Variants in PLGRKT observed in about 807,000 individuals in gnomAD.
The protein encoded by PLGRKT is plasminogen receptor with a C-terminal lysine, also known as plasminogen receptor (KT).
A neutral mutation model predicts 18.5 loss-of-function variants in PLGRKT; 22 were observed. That is an observed-to-expected ratio of 1.19 (90% confidence interval 0.85 to 1.70). PLGRKT has a LOEUF of 1.70. PLGRKT is among the 40% of genes most tolerant of loss of function. The pLI is 0.00. For missense variants in PLGRKT, 235 were observed against 174.4 expected, an observed-to-expected ratio of 1.35 and a Z score of -1.96; for synonymous variants, 72 against 52.8, an observed-to-expected ratio of 1.36 and a Z score of -1.58.
At chr9:5,421,549 T>G (rs1818575559) in intron 3 of PLGRKT, among the ~76,000 whole-genome samples, 1 of 152,240 alleles carries the variant, frequency 6.6e-6, no homozygotes, top group South Asian at 2.1e-4. Context: ...TTACCCAGTA[T>G]AGAGCAGGGG....
chr9:5,416,467 G>T (rs1471054991), intron 3 of PLGRKT, among the ~76,000 whole-genome samples: 2 of 152,084 alleles, frequency 1.3e-5, no homozygotes, highest in Non-Finnish European at 2.9e-5. Context: ...AAAGCTATAG[G>T]ATCATTTTTA....
chr9:5,361,995 A>G, intron 3 of PLGRKT, 107 bp from the exon 4 acceptor site: 1 of 1,100,454 alleles, frequency 9.1e-7, no homozygotes, highest in Non-Finnish European at 1.3e-6. Context: ...GCTTTAATTC[A>G]TGTTTTTTCA....
intron 3 of PLGRKT, among the ~76,000 whole-genome samples, chr9:5,427,042 A>C (rs1222735498): frequency 1.3e-5 from 2 of 152,220 alleles, no homozygotes; most frequent in Non-Finnish European, 2.9e-5. Context: ...TATTTTTCAC[A>C]GTTTGAGTTA....
chr9:5,419,585 A>G (rs1818534363), intron 3 of PLGRKT, among the ~76,000 whole-genome samples: 1 of 152,258 alleles, frequency 6.6e-6, no homozygotes, highest in African/African-American at 2.4e-5. Flanking sequence ...AAGCAGATAT[A>G]CAAATGGCCA....
intron 3 of PLGRKT, among the ~76,000 whole-genome samples, chr9:5,371,449 ACT>A (rs1817513558): frequency 6.6e-6 from 1 of 151,920 alleles, no homozygotes; most frequent in African/African-American, 2.4e-5. Flanking sequence ...ACAGCGAATA[ACT>A]CTCACGAGAT....
Position 5,429,810 on chromosome 9 carries a change from T to C in PLGRKT, c.81+2087A>G, listed in dbSNP as rs12336706. ...ACATTTCAACCCATAACACACCCCTTTCAAAAAGGGGACGCAATCGTTGGT... is the reference window on the plus strand; with the variant it reads ...ACATTTCAACCCATAACACACCCCTCTCAAAAAGGGGACGCAATCGTTGGT... On this transcript the variant is annotated intron_variant, in intron 3 of 5. Coordinates refer to ENST00000223864, the MANE Select transcript of PLGRKT (RefSeq NM_018465.4). 1.8e-3 allele frequency among the ~76,000 whole-genome samples: 277 copies of C among 152,242 alleles called. 1 individual carries two copies. The highest frequency in any genetic ancestry group is 6.3e-3 in the African/African-American group (263 of 41,532).
chr9:5,392,703 G>T (rs1027794301), intron 3 of PLGRKT: 2 of 151,804 alleles, frequency 1.3e-5, no homozygotes, highest in East Asian at 3.8e-4. Context: ...CATAAAATAA[G>T]AGAATACATA....
In PLGRKT at chr9:5,418,548, G is replaced by A. The variant is rs1818509662; in HGVS notation, c.81+13349C>T. The A allele has an allele frequency of 1.2e-6, 1 of 845,102 alleles. No individual in the cohort carries two copies. The highest frequency in any genetic ancestry group is 2.0e-6 in the Non-Finnish European group (1 of 489,690). The allele number at this position is 845,102 out of a possible 1,614,324, so 52.4% of individuals were successfully genotyped here. ...CCTCCGCCACCCCCTGGGGAGCCCTGCCTTGCAGAGGCTGCTGTCCAGCAG... is the reference window on the plus strand; with the variant it reads ...CCTCCGCCACCCCCTGGGGAGCCCTACCTTGCAGAGGCTGCTGTCCAGCAG... On this transcript the variant is annotated intron_variant, in intron 3 of 5. Transcript: ENST00000223864. The surrounding 1 kb of genome is among the most constrained non-coding windows in gnomAD (Gnocchi z 4.2).
intron 3 of PLGRKT, among the ~76,000 whole-genome samples, chr9:5,365,253 G>T (rs1305145364): frequency 1.3e-5 from 2 of 152,160 alleles, no homozygotes; most frequent in Non-Finnish European, 2.9e-5. Context: ...TAATAATGAT[G>T]ATGGAGTATG....
intron 3 of PLGRKT, among the ~76,000 whole-genome samples, chr9:5,431,414 A>G (rs1818820568): frequency 1.3e-5 from 2 of 151,878 alleles, no homozygotes; most frequent in Non-Finnish European, 1.5e-5. Context: ...CATGCCTGCA[A>G]TCCCAGCTAC....
In PLGRKT at chr9:5,367,921, G is replaced by A. The variant is rs539948214; in HGVS notation, c.82-6033C>T. Among the ~76,000 whole-genome samples the A allele has an allele frequency of 3.9e-5, 6 of 152,192 alleles. No homozygotes were observed. In the East Asian group the frequency reaches 7.7e-4, roughly 20 times the overall value. On this transcript the variant is annotated intron_variant, in intron 3 of 5. Transcript: ENST00000223864. ...AAACCAAATAATCCCATTAAAAAGT[G>A]GGCAAAGGACATGAACAGACACTTC...
intron 3 of PLGRKT, among the ~76,000 whole-genome samples, chr9:5,363,409 C>T (rs541351327): frequency 9.1e-4 from 138 of 151,900 alleles, no homozygotes; most frequent in African/African-American, 3.2e-3. Context: ...GTTATGGGGT[C>T]CCCTGGCCCA....
chr9:5,410,659 T>A (rs1032980608), intron 3 of PLGRKT, among the ~76,000 whole-genome samples: 1 of 152,220 alleles, frequency 6.6e-6, no homozygotes, highest in Non-Finnish European at 1.5e-5. Flanking sequence ...ATGAATTAAT[T>A]TGTTCATACT....
Position 5,361,100 on chromosome 9 carries a change from T to G in PLGRKT, c.300A>C (p.Gly100=). ...ILTYQYDLGY[G]TLLERMKGEA... Reference sequence around the variant, plus strand: ...TACCTTTCATTCTTTCTAAAAGGGTTCCATAGCCCAAGTCATACTGGTAGG... The same window carrying G: ...TACCTTTCATTCTTTCTAAAAGGGTGCCATAGCCCAAGTCATACTGGTAGG... The change falls in exon 5 of 6, where the codon GGA becomes GGC. Residue 100 remains glycine, a synonymous_variant. Transcript: ENST00000223864. The G allele has an allele frequency of 6.3e-7, 1 of 1,575,290 alleles. No individual in the cohort carries two copies.
At chr9:5,419,004 C>G in intron 3 of PLGRKT, 1 of 571,574 alleles carries the variant, frequency 1.7e-6, no homozygotes, top group Non-Finnish European at 3.0e-6. Flanking sequence ...AAGGGCAAGG[C>G]CAAGGGGAAG....
At chr9:5,358,390 G>A (rs535420188) in intron 5 of PLGRKT, 30 bp from the exon 6 acceptor site, 3 of 1,608,410 alleles carry the variant, frequency 1.9e-6, no homozygotes, top group Admixed American at 3.3e-5. Context: ...TACACAAGGT[G>A]ACAAAGGGGT....
intron 3 of PLGRKT, among the ~76,000 whole-genome samples, chr9:5,372,828 T>C (rs1447180250): frequency 6.6e-6 from 1 of 152,136 alleles, no homozygotes; most frequent in Non-Finnish European, 1.5e-5. Context: ...AGGCATGCTA[T>C]TAGGGAGTTG....
intron 3 of PLGRKT, among the ~76,000 whole-genome samples, chr9:5,364,975 C>T (rs964032946): frequency 6.6e-6 from 1 of 152,156 alleles, no homozygotes; most frequent in Admixed American, 6.5e-5. Context: ...TATATGCATG[C>T]ATAGATTAGG....
chr9:5,398,970 C>T (rs1310352161), intron 3 of PLGRKT, among the ~76,000 whole-genome samples: 1 of 151,506 alleles, frequency 6.6e-6, no homozygotes, highest in East Asian at 1.9e-4. Context: ...ATGTATCTAT[C>T]TTTGCCAGAA....
Sources: allele counts gnomAD v4.1 joint callset (sites outside exome capture counted in the v4.1 genomes callset), GRCh38; gene constraint gnomAD v4.1.1; non-coding constraint Gnocchi (gnomAD v3.1); transcripts MANE v1.5; gene names NCBI Gene and HGNC (gene_info 2026-07-23, HGNC 2026-07-21).